KCNB2: variants seen among roughly 807,000 people sequenced by gnomAD.
KCNB2 encodes the protein potassium voltage-gated channel subfamily B member 2, also known as delayed rectifier potassium channel protein.
Under a neutral mutation model 61.5 loss-of-function variants are expected in KCNB2, and 15 were observed. The ratio of observed to expected loss-of-function variants is 0.24; its 90% CI spans 0.16 to 0.38. The LOEUF is 0.38. KCNB2 is among the 10% of genes least tolerant of loss of function. KCNB2 has a pLI of 1.00. For synonymous variants in KCNB2, 457 were observed against 446.0 expected, an observed-to-expected ratio of 1.02 and a Z score of -0.31; for missense variants, 828 against 1,125.2, an observed-to-expected ratio of 0.74 and a Z score of 3.78.
chr8:72,696,742 T>A (rs1037211809), intron 2 of KCNB2, among the ~76,000 whole-genome samples: 19 of 152,194 alleles, frequency 1.2e-4, no homozygotes, highest in African/African-American at 4.3e-4. Context: ...CTGCTAACTT[T>A]AGGGACCTTT....
At chr8:72,885,034 T>C (rs1356116063) in intron 2 of KCNB2, among the ~76,000 whole-genome samples, 1 of 152,188 alleles carries the variant, frequency 6.6e-6, no homozygotes, top group Non-Finnish European at 1.5e-5. Flanking sequence ...ATTTGTACTT[T>C]GGTTAGAATT....
chr8:72,844,542 T>C (rs1467313258), intron 2 of KCNB2, among the ~76,000 whole-genome samples: 2 of 152,330 alleles, frequency 1.3e-5, no homozygotes, highest in Admixed American at 6.5e-5. Flanking sequence ...TTTTCCAACT[T>C]GGTTCCATTC....
At chr8:72,616,629 G>A (rs1805623623) in intron 2 of KCNB2, among the ~76,000 whole-genome samples, 1 of 152,100 alleles carries the variant, frequency 6.6e-6, no homozygotes. Context: ...GAATTGTCAA[G>A]CACTTCATTT....
At chr8:72,766,531 G>A (rs1252744713) in intron 2 of KCNB2, among the ~76,000 whole-genome samples, 1 of 152,096 alleles carries the variant, frequency 6.6e-6, no homozygotes, top group Non-Finnish European at 1.5e-5. Flanking sequence ...ATTTTTTCCT[G>A]TGAGATTTCC....
At chr8:72,751,156 G>A (rs1252232732) in intron 2 of KCNB2, 2 of 152,112 alleles carry the variant, frequency 1.3e-5, no homozygotes, top group African/African-American at 4.8e-5. Context: ...GACAGAGACA[G>A]ACAGACAAGA....
chr8:72,736,265 T>C (rs910130051), intron 2 of KCNB2, among the ~76,000 whole-genome samples: 2 of 151,844 alleles, frequency 1.3e-5, no homozygotes, highest in Non-Finnish European at 2.9e-5. Context: ...TGTCCCTCTA[T>C]CATTTAAAAA....
intron 2 of KCNB2, among the ~76,000 whole-genome samples, chr8:72,780,695 A>G (rs1343393389): frequency 6.6e-6 from 1 of 152,130 alleles, no homozygotes; most frequent in African/African-American, 2.4e-5. Context: ...GTGTGCATGT[A>G]TCTTTATAAC....
chr8:72,652,445 TG>T, intron 2 of KCNB2, among the ~76,000 whole-genome samples: 1 of 152,184 alleles, frequency 6.6e-6, no homozygotes, highest in Middle Eastern at 3.4e-3. Context: ...TGTTTTTCCA[TG>T]GGGCATCTAG....
At chr8:72,688,494 C>T (rs980958933) in intron 2 of KCNB2, among the ~76,000 whole-genome samples, 1 of 152,016 alleles carries the variant, frequency 6.6e-6, no homozygotes, top group Non-Finnish European at 1.5e-5. Context: ...CCTACACCTG[C>T]CTTCATGATA....
At chr8:72,850,633 C>G (rs751018862) in intron 2 of KCNB2, among the ~76,000 whole-genome samples, 2 of 152,138 alleles carry the variant, frequency 1.3e-5, no homozygotes, top group Non-Finnish European at 2.9e-5. Context: ...TTGATGGAGA[C>G]TTTTATGGGG....
intron 2 of KCNB2, among the ~76,000 whole-genome samples, chr8:72,785,832 G>T (rs1197225042): frequency 6.6e-6 from 1 of 152,080 alleles, no homozygotes; most frequent in Admixed American, 6.6e-5. Flanking sequence ...AGTGCCTGCT[G>T]TGTATCAATC....
At chr8:72,540,975 C>T (rs1240696091) in intron 1 of KCNB2, among the ~76,000 whole-genome samples, 1 of 139,604 alleles carries the variant, frequency 7.2e-6, no homozygotes, top group Admixed American at 7.6e-5. Flanking sequence ...GAAGCTAGGC[C>T]CTGCTCCCAA....
intron 1 of KCNB2, among the ~76,000 whole-genome samples, chr8:72,556,505 T>G (rs990393880): frequency 6.6e-6 from 1 of 152,122 alleles, no homozygotes; most frequent in Non-Finnish European, 1.5e-5. Context: ...TCCCAAGGAA[T>G]GTGGAGATGG....
chr8:72,805,480 G>A (rs1341263730), intron 2 of KCNB2, among the ~76,000 whole-genome samples: 2 of 152,080 alleles, frequency 1.3e-5, no homozygotes, highest in African/African-American at 2.4e-5. Context: ...AGAAGATGGA[G>A]TTGAAGAACA....
At position 72,568,114 on chromosome 8, in the gene KCNB2, G is replaced by A. The variant is rs536816083; in HGVS notation, c.380G>A (p.Gly127Glu). The A allele has an allele frequency of 2.5e-6, 4 of 1,614,104 alleles. No homozygotes were observed. The highest frequency in any genetic ancestry group is 1.7e-5 in the Admixed American group (1 of 60,014). ...LSFGQELDYW[G>E]IDEIYLESCC... ...TTTGGCCAAGAACTTGATTACTGGG[G>A]GATTGATGAGATCTACTTGGAGTCC... Residue 127 changes from glycine (G) to glutamate (E), a missense_variant, in exon 2 of 3, where the codon GGG becomes GAG. By Grantham distance (98) the Gly-to-Glu change is moderately conservative (BLOSUM62 -2). Transcript: ENST00000523207.
At chr8:72,753,092 A>C (rs960651751) in intron 2 of KCNB2, among the ~76,000 whole-genome samples, 4 of 152,238 alleles carry the variant, frequency 2.6e-5, no homozygotes, top group African/African-American at 9.6e-5. Flanking sequence ...ATTCTTCTTA[A>C]GACTGCTGTA....
rs182737572 is a variant in KCNB2, at chr8:72,842,324, G to C, written c.580-93611G>C. 2.2e-3 allele frequency among the ~76,000 whole-genome samples: 340 copies of C among 152,300 alleles called. 3 individuals are homozygous for C. The highest frequency in any genetic ancestry group is 7.7e-3 in the African/African-American group (318 of 41,564). On this transcript the variant is annotated intron_variant, in intron 2 of 2. Transcript: ENST00000523207. ...GGATAAGCTTTTTGATGTGCTATTG[G>C]ATTCAGTTTGCCAATATTTTATTGA... is the stretch of plus-strand genomic sequence containing the variant.
chr8:72,771,808 A>G (rs1459700278), intron 2 of KCNB2, among the ~76,000 whole-genome samples: 1 of 152,174 alleles, frequency 6.6e-6, no homozygotes, highest in Non-Finnish European at 1.5e-5. Context: ...ATATTATAAA[A>G]AGAAAGCCCA....
chr8:72,605,190 A>C (rs564221605), intron 2 of KCNB2, among the ~76,000 whole-genome samples: 71 of 152,334 alleles, frequency 4.7e-4, no homozygotes, highest in African/African-American at 1.7e-3. Flanking sequence ...TCAGGAAGAA[A>C]TGCAACGCCC....
Sources: allele counts gnomAD v4.1 joint callset (sites outside exome capture counted in the v4.1 genomes callset), GRCh38; gene constraint gnomAD v4.1.1; transcripts MANE v1.5; gene names NCBI Gene and HGNC (gene_info 2026-07-23, HGNC 2026-07-21).